The following CLSTN2 variants were observed in gnomAD, a reference collection of about 807,000 sequenced individuals.
CLSTN2 encodes the protein calsyntenin-2.
CLSTN2 carries 48 observed loss-of-function variants against 101.2 expected under a neutral mutation model. The ratio of observed to expected loss-of-function variants is 0.47; its 90% CI spans 0.38 to 0.60. The LOEUF (loss-of-function observed/expected upper bound fraction) is 0.60. Among genes scored for constraint, CLSTN2 ranks in the 20% least tolerant of loss-of-function variants. The probability of loss-of-function intolerance (pLI) is 0.00; values close to 1 mark genes in which losing one functional copy is unlikely to be tolerated. For missense variants in CLSTN2, 1,160 were observed against 1,238.2 expected (o/e 0.94, Z 0.95); for synonymous variants, 481 against 463.6 (o/e 1.04, Z -0.48).
At chr3:140,318,588 T>C (rs1206136136) in intron 2 of CLSTN2, among the ~76,000 whole-genome samples, 1 of 152,220 alleles carries the variant, frequency 6.6e-6, no homozygotes, top group Non-Finnish European at 1.5e-5. Flanking sequence ...CAAAGTTTGC[T>C]ACTGCTAAAA....
intron 8 of CLSTN2, among the ~76,000 whole-genome samples, chr3:140,513,583 CTTTTTTTTT>C: frequency 8.5e-6 from 1 of 117,768 alleles, no homozygotes; most frequent in East Asian, 2.4e-4. Flanking sequence ...TTTTTTCTTT[CTTTTTTTTT>C]TTTTTTTTGG....
chr3:140,476,029 T>C (rs1933975301), intron 8 of CLSTN2, among the ~76,000 whole-genome samples: 1 of 152,224 alleles, frequency 6.6e-6, no homozygotes, highest in East Asian at 1.9e-4. Context: ...GCTCAGTCAC[T>C]GCACCGATTG....
At position 140,375,301 on chromosome 3, in the gene CLSTN2, C is replaced by T. The variant is rs912369109; in HGVS notation, c.233-28328C>T. 5.9e-5 allele frequency among the ~76,000 whole-genome samples: 9 copies of T among 152,168 alleles called. No individual in the cohort carries two copies. In the East Asian group the frequency reaches 1.2e-3, roughly 20 times the overall value. On this transcript the variant is annotated intron_variant, in intron 2 of 16. Coordinates refer to ENST00000458420, the MANE Select transcript of CLSTN2 (RefSeq NM_022131.3). The stretch of plus-strand genomic sequence containing the variant: ...GAGTTCAAAGGGAAAGGATAAATGT[C>T]GTGCTTTGTGATCCCTGGGGATCTC...
chr3:140,274,762 G>T (rs558808120), intron 2 of CLSTN2, among the ~76,000 whole-genome samples: 289 of 152,314 alleles, frequency 1.9e-3, no homozygotes, highest in African/African-American at 6.8e-3. Context: ...AGGCTGTCAA[G>T]GGTAAAGGCA....
At chr3:140,328,849 C>T (rs1251425638) in intron 2 of CLSTN2, among the ~76,000 whole-genome samples, 1 of 152,160 alleles carries the variant, frequency 6.6e-6, no homozygotes, top group Non-Finnish European at 1.5e-5. Context: ...TTAAACAGTA[C>T]CTGGCATGCA....
At chr3:140,108,992 G>A (rs995743045) in intron 1 of CLSTN2, among the ~76,000 whole-genome samples, 16 of 152,214 alleles carry the variant, frequency 1.1e-4, no homozygotes, top group African/African-American at 3.9e-4. Context: ...GTGTGCCTCA[G>A]AAGGGTGAAG....
At chr3:140,122,986 G>C (rs1409255499) in intron 1 of CLSTN2, among the ~76,000 whole-genome samples, 1 of 152,090 alleles carries the variant, frequency 6.6e-6, no homozygotes, top group East Asian at 1.9e-4. Flanking sequence ...GAGTGTCTTA[G>C]TCCATTTATG....
At chr3:140,303,717 G>A (rs2087083437) in intron 2 of CLSTN2, among the ~76,000 whole-genome samples, 1 of 151,982 alleles carries the variant, frequency 6.6e-6, no homozygotes, top group African/African-American at 2.4e-5. Context: ...ACTTGACCCT[G>A]TTATTGTGAC....
intron 1 of CLSTN2, among the ~76,000 whole-genome samples, chr3:140,062,495 A>C (rs937003443): frequency 1.3e-5 from 2 of 152,184 alleles, no homozygotes; most frequent in Admixed American, 6.5e-5. Context: ...GAATCATTTA[A>C]TCTATTACCC....
At chr3:140,182,327 A>T (rs907306256) in intron 2 of CLSTN2, among the ~76,000 whole-genome samples, 1 of 152,204 alleles carries the variant, frequency 6.6e-6, no homozygotes, top group African/African-American at 2.4e-5. Flanking sequence ...ACTAATATTT[A>T]GGCAGTTTAT....
intron 1 of CLSTN2, among the ~76,000 whole-genome samples, chr3:140,164,563 G>A (rs2010102858): frequency 6.6e-6 from 1 of 152,166 alleles, no homozygotes; most frequent in Non-Finnish European, 1.5e-5. Flanking sequence ...GGTATGTAAA[G>A]GCAGCACTTT....
At chr3:140,441,422 T>C (rs1029740234) in intron 5 of CLSTN2, among the ~76,000 whole-genome samples, 8 of 152,234 alleles carry the variant, frequency 5.3e-5, no homozygotes, top group Admixed American at 2.0e-4. Context: ...ACTCATTGTA[T>C]GTCAGGCACT....
intron 1 of CLSTN2, among the ~76,000 whole-genome samples, chr3:139,973,684 G>A (rs1231162207): frequency 2.0e-5 from 3 of 151,926 alleles, no homozygotes; most frequent in Non-Finnish European, 4.4e-5. Flanking sequence ...TGTCACCCAG[G>A]CCAGAGTACA....
intron 2 of CLSTN2, among the ~76,000 whole-genome samples, chr3:140,208,433 T>A (rs2010811606): frequency 6.6e-6 from 1 of 152,226 alleles, no homozygotes; most frequent in Admixed American, 6.5e-5. Flanking sequence ...AATCTTACAG[T>A]TATGATTAAT....
Position 139,935,196 on chromosome 3 carries a change from C to T in CLSTN2, c.-179C>T, listed in dbSNP as rs1392893198. The T allele has an allele frequency of 1.5e-5, 5 of 328,866 alleles. No homozygotes were observed. The highest frequency in any genetic ancestry group is 1.1e-5 in the Non-Finnish European group (2 of 182,564). The allele number at this position is 328,866 out of a possible 1,614,324, so 20.4% of individuals were successfully genotyped here. A position where few individuals can be genotyped will look rare whatever the true frequency, so the allele number is the denominator to read the frequency against. On this transcript the variant is annotated 5_prime_UTR_variant, in exon 1 of 17. Coordinates refer to ENST00000458420, the MANE Select transcript of CLSTN2 (RefSeq NM_022131.3). The surrounding 1 kb of genome is among the most constrained non-coding windows in gnomAD (Gnocchi z 5.5). ...TCCGGGTCCGCGCCAGTGAGCGCGG[C>T]TGCTGCCGGCGAGCTAGCGGCGCAG...
chr3:140,349,364 C>T (rs1337389793), intron 2 of CLSTN2, among the ~76,000 whole-genome samples: 1 of 152,184 alleles, frequency 6.6e-6, no homozygotes, highest in Non-Finnish European at 1.5e-5. Flanking sequence ...TGAGCATCTG[C>T]TTTGTCACTG....
chr3:140,236,150 T>C (rs2086415111), intron 2 of CLSTN2, among the ~76,000 whole-genome samples: 1 of 152,226 alleles, frequency 6.6e-6, no homozygotes, highest in South Asian at 2.1e-4. Flanking sequence ...GGAAACTCTA[T>C]GACTTTATTT....
rs559450293 is a variant in CLSTN2, at chr3:140,019,495, C to G, written c.109+84012C>G. ...TCTCTGTCTCCCTTTCTCTCTCACT[C>G]TTTTTCTCTGCACACATTTTATTGG... On this transcript the variant is annotated intron_variant, in intron 1 of 16. Coordinates refer to ENST00000458420, the MANE Select transcript of CLSTN2 (RefSeq NM_022131.3). Among the ~76,000 whole-genome samples, 5 of 152,346 alleles carry G rather than the reference C, an allele frequency of 3.3e-5. No individual in the cohort carries two copies. The East Asian group carries it at 5.8e-4, about 18-fold the overall frequency.
chr3:140,530,823 C>T lies in CLSTN2; in HGVS notation c.1345-1501C>T, dbSNP rs533799244. Among the ~76,000 whole-genome samples, 6 of 152,322 alleles carry T rather than the reference C, an allele frequency of 3.9e-5. 1 individual carries two copies. The South Asian group carries it at 1.2e-3, about 32-fold the overall frequency. On this transcript the variant is annotated intron_variant, in intron 8 of 16. Coordinates refer to ENST00000458420, the MANE Select transcript of CLSTN2 (RefSeq NM_022131.3). ...GTCAGGGTTACCTCACTGTCACCCA[C>T]TTCCTCCCTGCCCAGGGCCTGACCA...
Sources: gnomAD v4.1 joint callset for allele counts (sites outside exome capture counted in the v4.1 genomes callset) on GRCh38, gnomAD v4.1.1 for gene constraint, Gnocchi (gnomAD v3.1) non-coding constraint, MANE v1.5 for transcripts, NCBI Gene and HGNC (gene_info 2026-07-23, HGNC 2026-07-21) for gene names.